The following DPF3 variants were observed in gnomAD, a reference collection of about 807,000 sequenced individuals.
The protein encoded by DPF3 is zinc finger protein DPF3.
Under a neutral mutation model 56.8 loss-of-function variants are expected in DPF3, and 18 were observed. The observed-to-expected ratio is 0.32, with a 90% CI of 0.22 to 0.47. DPF3 has a LOEUF of 0.47. DPF3 is among the 20% of genes least tolerant of loss of function. The pLI is 1.00. For synonymous variants in DPF3, 188 were observed against 180.2 expected (o/e 1.04, Z -0.35); for missense variants, 403 against 488.8 (o/e 0.82, Z 1.65).
intron 1 of DPF3, among the ~76,000 whole-genome samples, chr14:72,887,152 AACACACACACACACACACAC>A (rs149200705): frequency 0.04 from 5,586 of 138,120 alleles, 134 homozygotes; most frequent in African/African-American, 0.049. Context: ...TCTGCCTCCA[AACACACACACACACACACAC>A]ACACACACAC....
intron 2 of DPF3, among the ~76,000 whole-genome samples, chr14:72,768,314 G>A (rs1019852696): frequency 6.6e-6 from 1 of 152,164 alleles, no homozygotes; most frequent in Non-Finnish European, 1.5e-5. Context: ...ACACTGGTAT[G>A]GTTTTCAATG....
chr14:72,810,891 T>C (rs2140017377), intron 1 of DPF3, among the ~76,000 whole-genome samples: 1 of 152,348 alleles, frequency 6.6e-6, no homozygotes, highest in African/African-American at 2.4e-5. Flanking sequence ...ACTAGTGAGT[T>C]AGTCCATTTG....
chr14:72,761,134 T>C (rs1891053089), intron 2 of DPF3, among the ~76,000 whole-genome samples: 1 of 152,098 alleles, frequency 6.6e-6, no homozygotes, highest in Non-Finnish European at 1.5e-5. Flanking sequence ...ATTATAGTCA[T>C]AAGTTTCAAT....
At chr14:72,632,402 T>C (rs1220850861) in intron 8 of DPF3, among the ~76,000 whole-genome samples, 1 of 152,222 alleles carries the variant, frequency 6.6e-6, no homozygotes, top group African/African-American at 2.4e-5. Flanking sequence ...ACATAAGATG[T>C]TGCCCTTGGA....
chr14:72,737,314 C>G (rs1889931389), intron 3 of DPF3, among the ~76,000 whole-genome samples: 1 of 152,094 alleles, frequency 6.6e-6, no homozygotes, highest in Admixed American at 6.5e-5. Context: ...CAGATCAAAG[C>G]CACAAGCTTT....
chr14:72,642,086 G>A (rs1885580593), intron 8 of DPF3, among the ~76,000 whole-genome samples: 1 of 152,224 alleles, frequency 6.6e-6, no homozygotes, highest in Non-Finnish European at 1.5e-5. Flanking sequence ...CAACATGAGA[G>A]TGAGCTTGGA....
intron 1 of DPF3, among the ~76,000 whole-genome samples, chr14:72,880,287 C>T (rs1886276824): frequency 6.6e-6 from 1 of 152,206 alleles, no homozygotes; most frequent in Non-Finnish European, 1.5e-5. Context: ...GCCAATATTG[C>T]ATATTGGAGT....
At chr14:72,772,075 G>A (rs1056208262) in intron 1 of DPF3, among the ~76,000 whole-genome samples, 182 bp from the exon 2 acceptor site, 1 of 152,322 alleles carries the variant, frequency 6.6e-6, no homozygotes, top group Middle Eastern at 3.4e-3. Flanking sequence ...GTCAGGTCTT[G>A]ACTAGATTTT....
chr14:72,802,745 G>A (rs997725526), intron 1 of DPF3, among the ~76,000 whole-genome samples: 1 of 152,200 alleles, frequency 6.6e-6, no homozygotes. Flanking sequence ...TGGATGGGAA[G>A]CAAGGCTAAA....
chr14:72,638,487 C>T (rs887424566), intron 8 of DPF3, among the ~76,000 whole-genome samples: 1 of 151,556 alleles, frequency 6.6e-6, no homozygotes, highest in African/African-American at 2.4e-5. Flanking sequence ...CTGAGTACAT[C>T]CAGGAGAATT....
intron 1 of DPF3, among the ~76,000 whole-genome samples, chr14:72,872,395 G>T (rs111271900): frequency 0.019 from 2,898 of 152,252 alleles, 44 homozygotes; most frequent in Admixed American, 0.054. Context: ...CAGAAAATAG[G>T]TTTTTCTTTT....
intron 1 of DPF3, among the ~76,000 whole-genome samples, chr14:72,774,262 TAAAAAAA>T (rs777564213): frequency 1.1e-4 from 7 of 61,008 alleles, no homozygotes; most frequent in African/African-American, 3.2e-4. Context: ...AGACTCTGTC[TAAAAAAA>T]AAAAAAAAAA....
chr14:72,871,111 C>T (rs1885883539), intron 1 of DPF3, among the ~76,000 whole-genome samples: 1 of 152,218 alleles, frequency 6.6e-6, no homozygotes, highest in Non-Finnish European at 1.5e-5. Flanking sequence ...GACTTACTCA[C>T]TATCACGAGA....
intron 1 of DPF3, among the ~76,000 whole-genome samples, chr14:72,835,335 G>A (rs1329512395): frequency 6.6e-6 from 1 of 152,170 alleles, no homozygotes; most frequent in Admixed American, 6.5e-5. Flanking sequence ...CAAAGTGCTG[G>A]AATTACAGGC....
intron 2 of DPF3, among the ~76,000 whole-genome samples, chr14:72,763,907 T>A (rs1891158883): frequency 6.6e-6 from 1 of 152,220 alleles, no homozygotes; most frequent in African/African-American, 2.4e-5. Flanking sequence ...AGCTCAATTT[T>A]AAAATGGACA....
At chr14:72,759,279 AG>A (rs1890969895) in intron 2 of DPF3, among the ~76,000 whole-genome samples, 1 of 152,198 alleles carries the variant, frequency 6.6e-6, no homozygotes, top group African/African-American at 2.4e-5. Context: ...AAAACAGAAA[AG>A]AAAAAAAAAT....
rs529813798 is a variant in DPF3 at position 72,873,127 on chromosome 14, G to A, written c.32+20930C>T. On this transcript the variant is annotated intron_variant, in intron 1 of 10. Coordinates refer to ENST00000556509, the MANE Select transcript of DPF3 (RefSeq NM_001280542.3). ...CAGCAAAAGAAACTACCATCAGAGT[G>A]AACAGGCAACCTACAGAATGGGAGA... 1.8e-3 allele frequency among the ~76,000 whole-genome samples: 270 copies of A among 152,178 alleles called. 1 individual carries two copies. Among genetic ancestry groups the A allele is most frequent in the Middle Eastern group, 3.4e-3 (1 of 294 alleles).
intron 7 of DPF3, among the ~76,000 whole-genome samples, chr14:72,686,491 T>C (rs1246481759): frequency 6.6e-6 from 1 of 152,156 alleles, no homozygotes; most frequent in African/African-American, 2.4e-5. Context: ...AGATGGCAGA[T>C]TGCCAGGGTC....
At chr14:72,714,277 G>A (rs986151678) in intron 6 of DPF3, 146 bp downstream of exon 6, 96 of 1,011,034 alleles carry the variant, frequency 9.5e-5, no homozygotes, top group Non-Finnish European at 1.0e-4. Flanking sequence ...CGGTGGAGGC[G>A]GCAGGCGAGT....
Sources: allele counts gnomAD v4.1 joint callset (sites outside exome capture counted in the v4.1 genomes callset), GRCh38; gene constraint gnomAD v4.1.1; transcripts MANE v1.5; gene names NCBI Gene and HGNC (gene_info 2026-07-23, HGNC 2026-07-21).